The following SLC1A3 variants were observed in gnomAD, a reference collection of about 807,000 sequenced individuals.
SLC1A3 encodes solute carrier family 1 member 3.
SLC1A3 carries 21 observed loss-of-function variants against 48.1 expected under a neutral mutation model. That is an observed-to-expected ratio of 0.44 (90% CI 0.31 to 0.63). The LOEUF (loss-of-function observed/expected upper bound fraction) is 0.63, where lower values mean the gene tolerates loss of function less well. Among genes scored for constraint, SLC1A3 ranks in the 20% least tolerant of loss-of-function variants. SLC1A3 has a pLI of 0.08. For missense variants in SLC1A3, 546 were observed against 689.0 expected, an observed-to-expected ratio of 0.79 and a Z score of 2.32; for synonymous variants, 239 against 251.4, an observed-to-expected ratio of 0.95 and a Z score of 0.47.
intron 3 of SLC1A3, chr5:36,629,861 C>A: frequency 2.2e-6 from 1 of 446,140 alleles, no homozygotes; most frequent in Non-Finnish European, 4.1e-6. Flanking sequence ...AAACACCACA[C>A]CATCAGCCTT....
chr5:36,624,881 C>T (rs981536883), intron 2 of SLC1A3, among the ~76,000 whole-genome samples: 1 of 152,126 alleles, frequency 6.6e-6, no homozygotes, highest in Non-Finnish European at 1.5e-5. Flanking sequence ...GTAAAGGGTT[C>T]CAAGATGTGC....
At position 36,647,449 on chromosome 5, in the gene SLC1A3, C is replaced by T. The variant is rs146681673; in HGVS notation, c.319+17862C>T. On this transcript the variant is annotated intron_variant, in intron 3 of 9. Transcript: ENST00000265113. ...AATGTTTCCATTTTTGATGTTCAATCAAGAAACATTCAAATTCAACTGTAT... is the reference window on the plus strand; with the variant it reads ...AATGTTTCCATTTTTGATGTTCAATTAAGAAACATTCAAATTCAACTGTAT... Among the ~76,000 whole-genome samples the T allele has an allele frequency of 4.1e-4, 62 of 152,288 alleles. No individual in the cohort carries two copies. The East Asian group carries it at 0.011, about 27-fold the overall frequency.
At position 36,617,407 on chromosome 5, in the gene SLC1A3, G is replaced by T. The variant is rs995983288; in HGVS notation, c.181+8803G>T. Among the ~76,000 whole-genome samples, 7 of 137,620 alleles carry T rather than the reference G, an allele frequency of 5.1e-5. No homozygotes were observed. In the South Asian group the frequency reaches 9.2e-4, roughly 18 times the overall value. 90.3% of individuals were successfully genotyped at this position (137,620 alleles called of 152,430 possible). ...ATTAAAAAAGAAAGAGGGAGAAAAG[G>T]TTGCGGGCTTTTTTTTTTTTTTTTT... On this transcript the variant is annotated intron_variant, in intron 2 of 9. Coordinates refer to ENST00000265113, the MANE Select transcript of SLC1A3 (RefSeq NM_004172.5).
Position 36,671,150 on chromosome 5 carries a change from T to G in SLC1A3, c.441T>G (p.Pro147=). The change falls in exon 4 of 10, where the codon CCT becomes CCG. Residue 147 remains proline (P), a synonymous_variant. Coordinates refer to ENST00000265113, the MANE Select transcript of SLC1A3 (RefSeq NM_004172.5). ...TAATCATTGTCATCATCATCCATCC[T>G]GGGAAGGGCACAAAGGAAAACATGC... ...IGIIIVIIIH[P]GKGTKENMHR... The G allele has an allele frequency of 1.2e-6, 2 of 1,613,968 alleles. No individual in the cohort carries two copies. The highest frequency in any genetic ancestry group is 1.7e-6 in the Non-Finnish European group (2 of 1,179,830).
intron 3 of SLC1A3, among the ~76,000 whole-genome samples, chr5:36,643,655 G>T (rs955326744): frequency 6.6e-6 from 1 of 152,104 alleles, no homozygotes; most frequent in African/African-American, 2.4e-5. Flanking sequence ...ATTCCTTACT[G>T]TAGTTAACAC....
intron 3 of SLC1A3, among the ~76,000 whole-genome samples, chr5:36,652,164 G>A (rs754830814): frequency 5.3e-5 from 8 of 152,304 alleles, no homozygotes; most frequent in Admixed American, 6.5e-5. Context: ...CAATTCTGCC[G>A]TAGGACATGA....
intron 6 of SLC1A3, 67 bp downstream of exon 6, chr5:36,677,251 A>G: frequency 7.0e-7 from 1 of 1,437,564 alleles, no homozygotes; most frequent in African/African-American, 1.4e-5. Context: ...TGTGTTCTGT[A>G]CTGAGGAAGG....
At chr5:36,613,843 A>G (rs1739308830) in intron 2 of SLC1A3, among the ~76,000 whole-genome samples, 1 of 152,180 alleles carries the variant, frequency 6.6e-6, no homozygotes, top group Admixed American at 6.5e-5. Context: ...TTAGGTTATA[A>G]GAACTAGGGT....
At chr5:36,645,391 T>C (rs1309413580) in intron 3 of SLC1A3, among the ~76,000 whole-genome samples, 1 of 145,178 alleles carries the variant, frequency 6.9e-6, no homozygotes, top group African/African-American at 2.5e-5. Flanking sequence ...CAGTGGCGTG[T>C]TCTCGGCTCA....
At chr5:36,682,518 TA>T (rs540185646) in intron 8 of SLC1A3, among the ~76,000 whole-genome samples, 17 of 147,062 alleles carry the variant, frequency 1.2e-4, no homozygotes, top group East Asian at 5.9e-4. Context: ...TCTGGGTTAT[TA>T]AAAAAAAAAG....
chr5:36,635,278 G>A (rs979017720), intron 3 of SLC1A3, among the ~76,000 whole-genome samples: 3 of 152,148 alleles, frequency 2.0e-5, no homozygotes, highest in Non-Finnish European at 2.9e-5. Flanking sequence ...CAAGGTTGTT[G>A]TGAGGATTTA....
intron 3 of SLC1A3, chr5:36,666,239 T>TA (rs978231486): frequency 1.3e-5 from 2 of 152,122 alleles, no homozygotes; most frequent in Non-Finnish European, 2.9e-5. Flanking sequence ...ATTTTCTTAT[T>TA]AAAAAAACTT....
intron 1 of SLC1A3, among the ~76,000 whole-genome samples, chr5:36,597,233 CTTTTTTTTTTTTTTTT>C (rs70976237): frequency 4.8e-4 from 22 of 46,114 alleles, no homozygotes; most frequent in African/African-American, 8.6e-4. Flanking sequence ...TTCTTCCTTT[CTTTTTTTTTTTTTTTT>C]TTTTTTTTTT....
At chr5:36,610,385 CATTT>C (rs1739144970) in intron 2 of SLC1A3, among the ~76,000 whole-genome samples, 1 of 152,190 alleles carries the variant, frequency 6.6e-6, no homozygotes, top group Non-Finnish European at 1.5e-5. Context: ...CCTTCTCATT[CATTT>C]AACACATACT....
intron 2 of SLC1A3, among the ~76,000 whole-genome samples, chr5:36,612,474 A>G (rs116255725): frequency 0.011 from 1,696 of 152,124 alleles, 36 homozygotes; most frequent in African/African-American, 0.038. Flanking sequence ...AGTCCCAGCT[A>G]CTTGGGGGGG....
At chr5:36,659,165 G>T (rs1279136547) in intron 3 of SLC1A3, among the ~76,000 whole-genome samples, 4 of 152,116 alleles carry the variant, frequency 2.6e-5, no homozygotes, top group Admixed American at 2.6e-4. Context: ...TCAAACAGTG[G>T]GCACTGGAGT....
At chr5:36,669,972 ACT>A (rs1339838608) in intron 3 of SLC1A3, 4 of 151,602 alleles carry the variant, frequency 2.6e-5, no homozygotes, top group African/African-American at 7.3e-5. Flanking sequence ...AAAAAAAAAA[ACT>A]CAATTAACTG....
intron 3 of SLC1A3, among the ~76,000 whole-genome samples, chr5:36,654,086 CCCT>C (rs1253213397): frequency 6.6e-6 from 1 of 152,196 alleles, no homozygotes; most frequent in South Asian, 2.1e-4. Flanking sequence ...TCGTGATCCA[CCCT>C]CCTCAGCCTC....
intron 3 of SLC1A3, among the ~76,000 whole-genome samples, chr5:36,655,571 T>C (rs1160937079): frequency 6.6e-6 from 1 of 152,218 alleles, no homozygotes; most frequent in Non-Finnish European, 1.5e-5. Flanking sequence ...CCAAGAAAGC[T>C]TGTGACCTTG....
Sources: gnomAD v4.1 joint callset for allele counts (sites outside exome capture counted in the v4.1 genomes callset) on GRCh38, gnomAD v4.1.1 for gene constraint, MANE v1.5 for transcripts, NCBI Gene and HGNC (gene_info 2026-07-23, HGNC 2026-07-21) for gene names.